FKBP8: variants seen among roughly 807,000 people sequenced by gnomAD.
FKBP8 encodes peptidyl-prolyl cis-trans isomerase FKBP8.
A neutral mutation model predicts 41.7 loss-of-function variants in FKBP8; 5 were observed. That is an observed-to-expected ratio of 0.12 (90% CI 0.06 to 0.25). FKBP8 has a LOEUF of 0.25. FKBP8 is among the 10% of genes least tolerant of loss of function. The pLI, the probability that FKBP8 is intolerant of heterozygous loss-of-function variation, is 1.00. For missense variants in FKBP8, 397 were observed against 563.0 expected (o/e 0.71, Z 2.98); for synonymous variants, 279 against 254.5 (o/e 1.10, Z -0.92).
intron 2 of FKBP8, among the ~76,000 whole-genome samples, 174 bp from the exon 3 acceptor site, chr19:18,539,894 C>T (rs532326914): frequency 1.3e-5 from 2 of 152,320 alleles, no homozygotes; most frequent in East Asian, 3.9e-4. Context: ...GAGTGGGGAA[C>T]CCCACGTGCA....
intron 6 of FKBP8, among the ~76,000 whole-genome samples, chr19:18,534,368 T>C (rs1976521727): frequency 6.6e-6 from 1 of 152,088 alleles, no homozygotes; most frequent in South Asian, 2.1e-4. Context: ...AAGTGCCAAA[T>C]GGAGCTCTGG....
chr19:18,532,350 C>A (rs1015177469), intron 8 of FKBP8, 95 bp from the exon 9 acceptor site: 22 of 1,200,706 alleles, frequency 1.8e-5, no homozygotes, highest in Non-Finnish European at 2.5e-5. Context: ...GACCTCCCAA[C>A]AAATCATTGC....
At chr19:18,539,165 C>T (rs369305045) in intron 4 of FKBP8, among the ~76,000 whole-genome samples, 1 of 152,116 alleles carries the variant, frequency 6.6e-6, no homozygotes, top group African/African-American at 2.4e-5. Flanking sequence ...GTCTATATTG[C>T]TTAGGCTGGT....
intron 6 of FKBP8, among the ~76,000 whole-genome samples, chr19:18,536,756 T>C (rs555620389): frequency 6.6e-6 from 1 of 152,296 alleles, no homozygotes; most frequent in East Asian, 1.9e-4. Context: ...AATCTCCACC[T>C]TTGAGTAAGG....
rs758585209 is a variant in FKBP8, at chr19:18,537,678, G to C, written c.868C>G (p.Arg290Gly). The change falls in exon 6 of 9, where the codon CGC becomes GGC. Residue 290 changes from arginine to glycine, a missense_variant. Arg to Gly is a moderately radical substitution (Grantham distance 125, BLOSUM62 -2). Coordinates refer to ENST00000608443, the MANE Select transcript of FKBP8 (RefSeq NM_012181.5). The surrounding 1 kb of genome is among the most constrained non-coding windows in gnomAD (Gnocchi z 4.4). Reference sequence around the variant, plus strand: ...AGGCTGCAGGAGCGCAGGGCTGCGCGGTAGTGGTCGAGCTTCAGCTGCGAG... The same window carrying C: ...AGGCTGCAGGAGCGCAGGGCTGCGCCGTAGTGGTCGAGCTTCAGCTGCGAG... ...AASQLKLDHY[R>G]AALRSCSLVL... The C allele has an allele frequency of 1.2e-6, 2 of 1,613,776 alleles. No individual in the cohort carries two copies. Among genetic ancestry groups the C allele is most frequent in the Non-Finnish European group, 1.7e-6 (2 of 1,179,992 alleles).
chr19:18,536,612 C>G (rs1255690559), intron 6 of FKBP8, among the ~76,000 whole-genome samples: 1 of 152,190 alleles, frequency 6.6e-6, no homozygotes, highest in Non-Finnish European at 1.5e-5. Context: ...GCCTTGGCCT[C>G]CTGTAATCCC....
intron 1 of FKBP8, 137 bp from the exon 2 acceptor site, chr19:18,542,132 T>C: frequency 7.6e-7 from 1 of 1,311,888 alleles, no homozygotes; most frequent in Non-Finnish European, 1.0e-6. Context: ...ATCTATACAG[T>C]GGGTGTAACA....
intron 2 of FKBP8, among the ~76,000 whole-genome samples, chr19:18,540,123 C>A (rs1332231849): frequency 6.6e-6 from 1 of 152,220 alleles, no homozygotes; most frequent in East Asian, 1.9e-4. Context: ...TCTCCCCACC[C>A]TCCTCAAAAA....
rs1371086439 is a variant in FKBP8 at position 18,532,123 on chromosome 19, G to A, written c.*46C>T. On this transcript the variant is annotated 3_prime_UTR_variant, in exon 9 of 9. Coordinates refer to ENST00000608443, the MANE Select transcript of FKBP8 (RefSeq NM_012181.5). ...GAGCCTGGGGGAGTTGGGGAGCGCA[G>A]GGCAGGGTCCATGGTGTGCAGAGGG... The A allele has an allele frequency of 6.6e-7, 1 of 1,504,180 alleles. No individual in the cohort carries two copies. Among genetic ancestry groups the A allele is most frequent in the African/African-American group, 1.4e-5 (1 of 72,666 alleles). The allele number at this position is 1,504,180 out of a possible 1,614,324, so 93.2% of individuals were successfully genotyped here.
At position 18,532,274 on chromosome 19, in the gene FKBP8, G is replaced by A. The variant is rs1043148072; in HGVS notation, c.1156-19C>T. Reference sequence around the variant, plus strand: ...GGATGGACTGTGGATAAAAAGGAGGGGAGAGAAGGGTGGAGGGAGGTCAAG... The same window carrying A: ...GGATGGACTGTGGATAAAAAGGAGGAGAGAGAAGGGTGGAGGGAGGTCAAG... On this transcript the variant is annotated intron_variant, in intron 8 of 8. Transcript: ENST00000608443. 7.6e-6 allele frequency: 12 copies of A among 1,587,866 alleles called. No individual in the cohort carries two copies. The highest frequency in any genetic ancestry group is 1.0e-5 in the Non-Finnish European group (12 of 1,167,458).
chr19:18,540,987 C>T (rs1976685049), intron 2 of FKBP8, among the ~76,000 whole-genome samples: 1 of 151,962 alleles, frequency 6.6e-6, no homozygotes, highest in Non-Finnish European at 1.5e-5. Flanking sequence ...ATTGTTATTA[C>T]AATTGATAGT....
intron 6 of FKBP8, among the ~76,000 whole-genome samples, chr19:18,534,468 A>C (rs1252539920): frequency 1.3e-5 from 2 of 152,174 alleles, no homozygotes; most frequent in African/African-American, 2.4e-5. Flanking sequence ...GGTCCCCGCA[A>C]CATGCTCCTC....
rs772338592 is a variant in FKBP8 at position 18,538,415 on chromosome 19, C to T, written c.573G>A (p.Pro191=). Residue 191 remains proline (P), a synonymous_variant, in exon 5 of 9, where the codon CCG becomes CCA. Transcript: ENST00000608443. This position sits in a 1 kb window ranked among gnomAD's most constrained non-coding sequence, Gnocchi z 4.0. ...PQGSRSPYIP[P]HAALCLEVTL... ...TCACCTCCAGGCACAGGGCCGCGTG[C>T]GGGGGGATGTATGGGCTCCTGCTAG... 1.9e-5 allele frequency: 30 copies of T among 1,612,286 alleles called. No homozygotes were observed. Among genetic ancestry groups the T allele is most frequent in the African/African-American group, 1.2e-4 (9 of 74,898 alleles).
intron 6 of FKBP8, among the ~76,000 whole-genome samples, chr19:18,534,757 TTATG>T (rs1305194451): frequency 1.3e-5 from 2 of 151,496 alleles, no homozygotes; most frequent in East Asian, 3.9e-4. Context: ...AATTATTTAT[TTATG>T]TATTTATTTA....
chr19:18,535,582 G>T (rs1049764896), intron 6 of FKBP8, among the ~76,000 whole-genome samples: 1 of 151,912 alleles, frequency 6.6e-6, no homozygotes, highest in South Asian at 2.1e-4. Context: ...GACCAGCCTG[G>T]CCAACATGGT....
At chr19:18,532,329 C>T (rs1240860035) in intron 8 of FKBP8, 74 bp from the exon 9 acceptor site, 4 of 1,330,792 alleles carry the variant, frequency 3.0e-6, no homozygotes, top group Non-Finnish European at 4.2e-6. Context: ...GCTGCCAGCA[C>T]AGCCCAAACA....
chr19:18,537,560 C>T lies in FKBP8; in HGVS notation c.945+41G>A. The T allele has an allele frequency of 1.3e-6, 2 of 1,545,324 alleles. No homozygotes were observed. The highest frequency in any genetic ancestry group is 1.7e-6 in the Non-Finnish European group (2 of 1,144,470). ...AGGGTTGGGGACCACCCCGTATACC[C>T]CAGGCTGAGTGACCCGGCCTGGCAC... On this transcript the variant is annotated intron_variant, in intron 6 of 8. Coordinates refer to ENST00000608443, the MANE Select transcript of FKBP8 (RefSeq NM_012181.5). This position sits in a 1 kb window ranked among gnomAD's most constrained non-coding sequence, Gnocchi z 4.4.
At chr19:18,543,065 G>T in intron 1 of FKBP8, 1 of 308,872 alleles carries the variant, frequency 3.2e-6, no homozygotes. Flanking sequence ...AAACACTCCA[G>T]TGTCCCCAGA....
At chr19:18,540,309 G>A (rs576649205) in intron 2 of FKBP8, among the ~76,000 whole-genome samples, 1 of 152,262 alleles carries the variant, frequency 6.6e-6, no homozygotes, top group East Asian at 1.9e-4. Flanking sequence ...GAATTTATAA[G>A]TTAAGCAAAG....
Sources: allele counts gnomAD v4.1 joint callset (sites outside exome capture counted in the v4.1 genomes callset), GRCh38; gene constraint gnomAD v4.1.1; non-coding constraint Gnocchi (gnomAD v3.1); transcripts MANE v1.5; gene names NCBI Gene and HGNC (gene_info 2026-07-23, HGNC 2026-07-21).